Variants in RPH3A observed in about 807,000 individuals in gnomAD.
RPH3A encodes rabphilin-3A.
RPH3A carries 48 observed loss-of-function variants against 102.2 expected under a neutral mutation model. The observed-to-expected ratio is 0.47, with a 90% CI of 0.37 to 0.60. The LOEUF is 0.60. RPH3A is among the 20% of genes least tolerant of loss of function. RPH3A has a pLI of 0.00. For synonymous variants in RPH3A, 310 were observed against 324.3 expected, an observed-to-expected ratio of 0.96 and a Z score of 0.47; for missense variants, 781 against 910.1, an observed-to-expected ratio of 0.86 and a Z score of 1.83.
At chr12:112,768,717 AGCCTGGG>A (rs2040908157) in intron 1 of RPH3A, among the ~76,000 whole-genome samples, 1 of 152,186 alleles carries the variant, frequency 6.6e-6, no homozygotes, top group Non-Finnish European at 1.5e-5. Context: ...GTTGGAGTCC[AGCCTGGG>A]AAACTTAGCA....
intron 1 of RPH3A, among the ~76,000 whole-genome samples, chr12:112,606,380 G>A (rs184920791): frequency 5.9e-5 from 9 of 152,114 alleles, no homozygotes; most frequent in African/African-American, 2.2e-4. Context: ...TAGGGTTTTT[G>A]TTTGTTTGTT....
At chr12:112,734,551 A>C (rs2040655286) in intron 1 of RPH3A, among the ~76,000 whole-genome samples, 1 of 152,218 alleles carries the variant, frequency 6.6e-6, no homozygotes, top group South Asian at 2.1e-4. Context: ...CATAAAGCGA[A>C]AGCAAGTTTA....
chr12:112,576,979 C>T (rs1201117837), intron 1 of RPH3A, among the ~76,000 whole-genome samples: 1 of 130,778 alleles, frequency 7.6e-6, no homozygotes, highest in African/African-American at 3.1e-5. Context: ...GAAAATGGCT[C>T]ATTGCAGCCT....
At chr12:112,606,802 A>C (rs1000695455) in intron 1 of RPH3A, among the ~76,000 whole-genome samples, 1 of 152,216 alleles carries the variant, frequency 6.6e-6, no homozygotes, top group Non-Finnish European at 1.5e-5. Context: ...AGGTCTCGTG[A>C]GAACTCACTC....
intron 3 of RPH3A, among the ~76,000 whole-genome samples, chr12:112,835,409 T>C (rs1008552088): frequency 6.6e-6 from 1 of 151,592 alleles, no homozygotes; most frequent in Non-Finnish European, 1.5e-5. Flanking sequence ...TCCATCAGAG[T>C]TTACTTTAGT....
At chr12:112,857,581 G>A (rs1479159069) in intron 5 of RPH3A, among the ~76,000 whole-genome samples, 1 of 152,108 alleles carries the variant, frequency 6.6e-6, no homozygotes. Context: ...AAAAGGCCCG[G>A]GAACAGATTC....
chr12:112,718,471 G>T (rs1407503075), intron 1 of RPH3A, among the ~76,000 whole-genome samples: 1 of 152,118 alleles, frequency 6.6e-6, no homozygotes, highest in Non-Finnish European at 1.5e-5. Flanking sequence ...GGTGGGTGTG[G>T]GGTGCAAATC....
At chr12:112,723,561 T>C (rs2040565919) in intron 1 of RPH3A, among the ~76,000 whole-genome samples, 1 of 152,218 alleles carries the variant, frequency 6.6e-6, no homozygotes, top group South Asian at 2.1e-4. Flanking sequence ...TTGGGAGCAC[T>C]TCCAACATCA....
intron 1 of RPH3A, among the ~76,000 whole-genome samples, chr12:112,606,753 G>T (rs1259291735): frequency 1.3e-5 from 2 of 152,198 alleles, no homozygotes. Flanking sequence ...ACAGGAGAGA[G>T]TGAGAGAAGG....
At chr12:112,741,761 G>A (rs2040711003) in intron 1 of RPH3A, among the ~76,000 whole-genome samples, 1 of 152,164 alleles carries the variant, frequency 6.6e-6, no homozygotes, top group Non-Finnish European at 1.5e-5. Flanking sequence ...GAAGACAAAA[G>A]AGGATACAGC....
At chr12:112,667,163 T>G (rs1294971037) in intron 1 of RPH3A, among the ~76,000 whole-genome samples, 1 of 152,160 alleles carries the variant, frequency 6.6e-6, no homozygotes, top group Non-Finnish European at 1.5e-5. Flanking sequence ...CTCTGCTTTA[T>G]CTCTCTTCCT....
intron 1 of RPH3A, among the ~76,000 whole-genome samples, chr12:112,690,411 A>G (rs1482103184): frequency 6.6e-6 from 1 of 152,190 alleles, no homozygotes; most frequent in Non-Finnish European, 1.5e-5. Flanking sequence ...GTGCCATGCT[A>G]CAGTTAGCTG....
intron 1 of RPH3A, among the ~76,000 whole-genome samples, chr12:112,664,005 G>A (rs941460870): frequency 2.0e-5 from 3 of 152,176 alleles, no homozygotes; most frequent in Admixed American, 6.6e-5. Context: ...ATGGTTGGGA[G>A]TGGGATGGGG....
intron 1 of RPH3A, among the ~76,000 whole-genome samples, chr12:112,781,673 T>A (rs796518760): frequency 3.9e-4 from 59 of 152,342 alleles, no homozygotes; most frequent in African/African-American, 1.4e-3. Flanking sequence ...ATGGTGCCCT[T>A]TTCATCCATT....
chr12:112,841,541 A>T (rs1417093682), intron 4 of RPH3A, among the ~76,000 whole-genome samples: 3 of 152,204 alleles, frequency 2.0e-5, no homozygotes, highest in Admixed American at 1.3e-4. Context: ...GCAAAAATTC[A>T]ACAAGAGAGT....
At chr12:112,849,812 C>T (rs2042292664) in intron 5 of RPH3A, among the ~76,000 whole-genome samples, 1 of 152,176 alleles carries the variant, frequency 6.6e-6, no homozygotes, top group African/African-American at 2.4e-5. Flanking sequence ...AGTTTATAGT[C>T]TTATCCAGGG....
chr12:112,610,242 C>T (rs1484681502), intron 1 of RPH3A, among the ~76,000 whole-genome samples: 1 of 152,136 alleles, frequency 6.6e-6, no homozygotes, highest in Non-Finnish European at 1.5e-5. Context: ...GTGGCTCATG[C>T]CTATAATCCC....
At chr12:112,710,066 C>T (rs2040449710) in intron 1 of RPH3A, among the ~76,000 whole-genome samples, 1 of 152,158 alleles carries the variant, frequency 6.6e-6, no homozygotes, top group South Asian at 2.1e-4. Context: ...GCTCCGCCGC[C>T]CGGGTTCACA....
chr12:112,838,430 C>T (rs1157603694), intron 4 of RPH3A, among the ~76,000 whole-genome samples: 1 of 152,194 alleles, frequency 6.6e-6, no homozygotes, highest in Non-Finnish European at 1.5e-5. Flanking sequence ...CCAAAGGGGC[C>T]TTTATACCAG....
Sources: gnomAD v4.1 joint callset for allele counts (sites outside exome capture counted in the v4.1 genomes callset) on GRCh38, gnomAD v4.1.1 for gene constraint, MANE v1.5 for transcripts, NCBI Gene and HGNC (gene_info 2026-07-23, HGNC 2026-07-21) for gene names.